AGBL3: variants seen among roughly 807,000 people sequenced by gnomAD.
The protein encoded by AGBL3 is cytosolic carboxypeptidase 3.
A neutral mutation model predicts 94.5 loss-of-function variants in AGBL3; 68 were observed. The observed-to-expected ratio is 0.72, with a 90% CI of 0.59 to 0.88. The LOEUF (loss-of-function observed/expected upper bound fraction) is 0.88, where lower values mean the gene tolerates loss of function less well. Among genes scored for constraint, AGBL3 ranks in the 40% least tolerant of loss-of-function variants. The probability of loss-of-function intolerance (pLI) is 0.00; values close to 1 mark genes in which losing one functional copy is unlikely to be tolerated. For missense variants in AGBL3, 934 were observed against 1,103.8 expected, an observed-to-expected ratio of 0.85 and a Z score of 2.18; for synonymous variants, 354 against 370.7, an observed-to-expected ratio of 0.95 and a Z score of 0.52.
At chr7:134,990,527 G>A (rs1810103414) in intron 3 of AGBL3, among the ~76,000 whole-genome samples, 2 of 151,930 alleles carry the variant, frequency 1.3e-5, no homozygotes, top group Admixed American at 1.3e-4. Flanking sequence ...TTTCAGTTTG[G>A]GGCTGTAACA....
At position 135,088,407 on chromosome 7, in the gene AGBL3, C is replaced by A. The variant is rs555059286; in HGVS notation, c.2110+6617C>A. ...CTTCTCTCTTATTGTTTATCATTGT[C>A]ATTTAATGGTTTTCTATACTGATAA... On this transcript the variant is annotated intron_variant, in intron 15 of 16. Coordinates refer to ENST00000436302, the MANE Select transcript of AGBL3 (RefSeq NM_178563.4). 2.0e-5 allele frequency among the ~76,000 whole-genome samples: 3 copies of A among 152,164 alleles called. No homozygotes were observed. In the South Asian group the frequency reaches 6.2e-4, roughly 32 times the overall value.
At chr7:135,128,394 T>C (rs1828253618) in intron 16 of AGBL3, 3 of 568,698 alleles carry the variant, frequency 5.3e-6, no homozygotes, top group East Asian at 3.3e-5. Flanking sequence ...GTGAGGATGA[T>C]CAGAGATCAC....
intron 4 of AGBL3, among the ~76,000 whole-genome samples, chr7:135,007,844 T>C (rs1348954846): frequency 3.3e-5 from 5 of 152,042 alleles, no homozygotes; most frequent in Admixed American, 2.0e-4. Flanking sequence ...TAAAAATCAA[T>C]TGTATTTCTA....
intron 16 of AGBL3, among the ~76,000 whole-genome samples, chr7:135,117,876 G>C (rs527500048): frequency 6.6e-6 from 1 of 152,250 alleles, no homozygotes; most frequent in South Asian, 2.1e-4. Flanking sequence ...CTACCCACTG[G>C]CATGGTTGCC....
chr7:135,130,177 T>G (rs1358686493), intron 16 of AGBL3, among the ~76,000 whole-genome samples: 1 of 152,212 alleles, frequency 6.6e-6, no homozygotes, highest in Non-Finnish European at 1.5e-5. Flanking sequence ...TTAATCACAT[T>G]CTTACCAACC....
intron 15 of AGBL3, among the ~76,000 whole-genome samples, chr7:135,105,096 G>T (rs7808312): frequency 7.0e-6 from 1 of 142,910 alleles, no homozygotes; most frequent in African/African-American, 2.6e-5. Context: ...TTGAGATGGA[G>T]TCTTGCTCTT....
intron 12 of AGBL3, among the ~76,000 whole-genome samples, chr7:135,071,276 C>T (rs1163784580): frequency 1.3e-5 from 2 of 151,932 alleles, no homozygotes; most frequent in African/African-American, 4.8e-5. Context: ...GAATCAATAT[C>T]GTGAAAATGG....
intron 13 of AGBL3, among the ~76,000 whole-genome samples, chr7:135,078,204 T>G (rs951134786): frequency 7.9e-5 from 12 of 152,192 alleles, no homozygotes; most frequent in Admixed American, 2.6e-4. Flanking sequence ...CAGAGCTGAA[T>G]GTGGTCAGGG....
intron 8 of AGBL3, among the ~76,000 whole-genome samples, chr7:135,038,704 G>A (rs908856491): frequency 1.3e-5 from 2 of 152,206 alleles, no homozygotes; most frequent in Admixed American, 1.3e-4. Flanking sequence ...GCTCACGCCT[G>A]TAATCCTAGC....
In AGBL3 at chr7:134,993,518, C is replaced by T. The variant is rs1436791115; in HGVS notation, c.150C>T (p.Phe50=). ...CTGACTCTTTTGGTGATCCCTTCTT[C>T]CCCCGGACTACACAGATACTATTAG... ...LTADSFGDPF[F]PRTTQILLEY... The change falls in exon 4 of 17, where the codon TTC becomes TTT. Residue 50 remains phenylalanine, a synonymous_variant. Transcript: ENST00000436302. 5.6e-5 allele frequency: 86 copies of T among 1,548,092 alleles called. No individual in the cohort carries two copies. Among genetic ancestry groups the T allele is most frequent in the Middle Eastern group, 1.7e-4 (1 of 6,006 alleles).
At chr7:135,103,296 G>A (rs1824130740) in intron 15 of AGBL3, among the ~76,000 whole-genome samples, 1 of 152,144 alleles carries the variant, frequency 6.6e-6, no homozygotes, top group Non-Finnish European at 1.5e-5. Context: ...GAAGCTGAGT[G>A]ATAGGTTTAA....
intron 8 of AGBL3, among the ~76,000 whole-genome samples, chr7:135,043,708 A>G (rs1310955601): frequency 6.6e-6 from 1 of 152,080 alleles, no homozygotes; most frequent in Admixed American, 6.6e-5. Flanking sequence ...GTATATATAA[A>G]CTTACTATGT....
rs561007442 is a variant in AGBL3 at position 135,021,323 on chromosome 7, G to A, written c.418+4164G>A. Among the ~76,000 whole-genome samples, 16 of 144,840 alleles carry A rather than the reference G, an allele frequency of 1.1e-4. No homozygotes were observed. The South Asian group carries it at 2.6e-3, about 23-fold the overall frequency. On this transcript the variant is annotated intron_variant, in intron 5 of 16. Coordinates refer to ENST00000436302, the MANE Select transcript of AGBL3 (RefSeq NM_178563.4). ...TTTTTTTTTTTTGAGACAGAGTCTC[G>A]CTCTGTTACCCAGGCTGGAGTGCAG...
chr7:135,024,400 T>C (rs1308485768), intron 5 of AGBL3, among the ~76,000 whole-genome samples: 1 of 152,218 alleles, frequency 6.6e-6, no homozygotes, highest in Non-Finnish European at 1.5e-5. Context: ...CAATATACAT[T>C]CATTGCCTGT....
intron 4 of AGBL3, among the ~76,000 whole-genome samples, chr7:135,003,935 A>G (rs1563173055): frequency 6.6e-6 from 1 of 151,376 alleles, no homozygotes; most frequent in Non-Finnish European, 1.5e-5. Flanking sequence ...TTTATACCTT[A>G]TATTTCTTTT....
intron 15 of AGBL3, among the ~76,000 whole-genome samples, chr7:135,107,957 CATTATGTAATGTCTTTATCTTTTTTTTT>C (rs1825001540): frequency 6.6e-6 from 1 of 152,048 alleles, no homozygotes; most frequent in Non-Finnish European, 1.5e-5. Flanking sequence ...CCCTGATTAC[CATTATGTAATGTCTTTATCTTTTTTTTT>C]TATCTTTGTT....
At chr7:135,103,330 CTCTA>C (rs1824141086) in intron 15 of AGBL3, among the ~76,000 whole-genome samples, 1 of 152,106 alleles carries the variant, frequency 6.6e-6, no homozygotes, top group African/African-American at 2.4e-5. Flanking sequence ...ATACTAGTCT[CTCTA>C]TATTCGGGAA....
chr7:135,013,879 C>T (rs543263642), intron 4 of AGBL3, among the ~76,000 whole-genome samples: 11 of 152,068 alleles, frequency 7.2e-5, no homozygotes, highest in African/African-American at 2.4e-4. Context: ...TGGTTGAAAG[C>T]GAGAAAGCCT....
intron 13 of AGBL3, among the ~76,000 whole-genome samples, chr7:135,079,434 T>C (rs2116844681): frequency 6.6e-6 from 1 of 152,154 alleles, no homozygotes; most frequent in Middle Eastern, 3.4e-3. Flanking sequence ...TTTAACTCCA[T>C]TTCATAGTCT....
Sources: gnomAD v4.1 joint callset for allele counts (sites outside exome capture counted in the v4.1 genomes callset) on GRCh38, gnomAD v4.1.1 for gene constraint, MANE v1.5 for transcripts, NCBI Gene and HGNC (gene_info 2026-07-23, HGNC 2026-07-21) for gene names.